Variants in LOC400499 observed in about 807,000 individuals in gnomAD.
At chr16:11,417,725 C>G in the LOC400499 span, 1 of 399,176 alleles carries the variant, frequency 2.5e-6, no homozygotes, top group Non-Finnish European at 4.4e-6. Context: ...CCGGAGAGCT[C>G]CAGGTGCCCA....
At chr16:11,381,790 T>G in the LOC400499 span, among the ~76,000 whole-genome samples, 3 of 152,320 alleles carry the variant, frequency 2.0e-5, no homozygotes, top group East Asian at 5.8e-4. Context: ...GTTATCAACA[T>G]GTTCTTCCTT....
At chr16:11,487,352 G>C in the LOC400499 span, 2 of 399,324 alleles carry the variant, frequency 5.0e-6, no homozygotes, top group Non-Finnish European at 8.8e-6. Flanking sequence ...AGAAGAGAAG[G>C]GTCCCCTCCA....
chr16:11,512,933 G>T, the LOC400499 span, among the ~76,000 whole-genome samples: 10 of 152,110 alleles, frequency 6.6e-5, no homozygotes, highest in African/African-American at 2.4e-4. Context: ...GTCCCATCTA[G>T]TGGGTTCTCC....
the LOC400499 span, among the ~76,000 whole-genome samples, chr16:11,502,970 G>A: frequency 1.5e-5 from 2 of 129,356 alleles, no homozygotes; most frequent in African/African-American, 2.9e-5. Flanking sequence ...CTCCCGGGAT[G>A]GAGTGCTGCA....
chr16:11,394,065 T>C, the LOC400499 span, among the ~76,000 whole-genome samples: 1 of 152,060 alleles, frequency 6.6e-6, no homozygotes, highest in Non-Finnish European at 1.5e-5. Flanking sequence ...CTGATTTAAT[T>C]GGTGTTGGGG....
chr16:11,499,452 G>A, the LOC400499 span, among the ~76,000 whole-genome samples: 99,391 of 151,198 alleles, frequency 0.66, 32,943 homozygotes, highest in Admixed American at 0.74. Flanking sequence ...CGTGCCACCT[G>A]CTAGGCTGTG....
chr16:11,397,773 T>TGGAGGGAGGGAGGGAGGGATGGAGGGAG, the LOC400499 span, among the ~76,000 whole-genome samples: 7 of 34,700 alleles, frequency 2.0e-4, no homozygotes, highest in African/African-American at 8.5e-4. Flanking sequence ...GAGGGAGGGA[T>TGGAGGGAGGGAGGGAGGGATGGAGGGAG]GGAGGGAGGG....
the LOC400499 span, chr16:11,450,669 A>G: frequency 6.5e-7 from 1 of 1,535,358 alleles, no homozygotes; most frequent in Non-Finnish European, 8.7e-7. Context: ...TGGGGCCCTG[A>G]CTCCTGCAGC....
the LOC400499 span, among the ~76,000 whole-genome samples, chr16:11,457,659 C>T: frequency 0.75 from 113,017 of 150,880 alleles, 42,852 homozygotes; most frequent in Admixed American, 0.8. Flanking sequence ...TCCAGGTATA[C>T]ATACAAAAGA....
At chr16:11,475,466 G>A in the LOC400499 span, among the ~76,000 whole-genome samples, 87 of 152,356 alleles carry the variant, frequency 5.7e-4, no homozygotes, top group Non-Finnish European at 1.2e-4. Flanking sequence ...CAAAGTAGAT[G>A]TCTAAATTGA....
the LOC400499 span, among the ~76,000 whole-genome samples, chr16:11,511,579 A>T: frequency 6.6e-6 from 1 of 152,234 alleles, no homozygotes; most frequent in Admixed American, 6.5e-5. Flanking sequence ...TGAGTGAAAA[A>T]GCTAGACACA....
the LOC400499 span, among the ~76,000 whole-genome samples, chr16:11,388,698 G>T: frequency 3.3e-5 from 5 of 152,174 alleles, no homozygotes; most frequent in Non-Finnish European, 7.3e-5. Context: ...GCAGAAGCCA[G>T]AGACCAGCTG....
chr16:11,393,506 C>A, the LOC400499 span: 2 of 1,232,180 alleles, frequency 1.6e-6, no homozygotes, highest in South Asian at 4.1e-5. Flanking sequence ...TTTGAGAAGT[C>A]GAGGTGGAGA....
chr16:11,504,552 T>TC, the LOC400499 span, among the ~76,000 whole-genome samples: 2,323 of 142,944 alleles, frequency 0.016, 32 homozygotes, highest in Middle Eastern at 0.047. Context: ...CGAGACTCCG[T>TC]CCCCCCCCCC....
chr16:11,439,419 C>T, the LOC400499 span: 1 of 398,602 alleles, frequency 2.5e-6, no homozygotes, highest in Non-Finnish European at 4.4e-6. Flanking sequence ...CATCTCCCAG[C>T]AGGCCAGCTG....
the LOC400499 span, chr16:11,462,272 CCACCCA>C: frequency 6.6e-7 from 1 of 1,512,162 alleles, no homozygotes; most frequent in Non-Finnish European, 8.8e-7. Context: ...CTCAGCCTCG[CCACCCA>C]TGGCTGGCTG....
the LOC400499 span, among the ~76,000 whole-genome samples, chr16:11,498,252 A>G: frequency 2.0e-5 from 3 of 152,170 alleles, no homozygotes. Flanking sequence ...AGGCCGAAGC[A>G]GGCAAATCAC....
At chr16:11,403,456 TGCACACATACACACATGA>T in the LOC400499 span, among the ~76,000 whole-genome samples, 1,903 of 149,566 alleles carry the variant, frequency 0.013, 49 homozygotes, top group African/African-American at 0.044. Flanking sequence ...TACACACACA[TGCACACATACACACATGA>T]GCACACATAC....
chr16:11,462,220 G>GC, the LOC400499 span: 1,074 of 1,534,110 alleles, frequency 7.0e-4, 4 homozygotes, highest in African/African-American at 0.012. Flanking sequence ...CGACGGGGCT[G>GC]CCCCCCGTCA....
Sources: gnomAD v4.1 joint callset for allele counts (sites outside exome capture counted in the v4.1 genomes callset) on GRCh38, gnomAD v4.1.1 for gene constraint, MANE v1.5 for transcripts.